BICD1: variants seen among roughly 807,000 people sequenced by gnomAD.
BICD1 encodes BICD cargo adaptor 1, also known as protein bicaudal D homolog 1.
In BICD1, 35 loss-of-function variants were observed where a neutral mutation model predicts 92.5. The observed-to-expected ratio is 0.38, with a 90% CI of 0.29 to 0.50. BICD1 has a LOEUF of 0.50. BICD1 is among the 20% of genes least tolerant of loss of function. The pLI is 0.93. For missense variants in BICD1, 950 were observed against 1,189.8 expected (o/e 0.80, Z 2.97); for synonymous variants, 429 against 465.1 (o/e 0.92, Z 1.00).
intron 1 of BICD1, among the ~76,000 whole-genome samples, chr12:32,184,055 G>A (rs539987146): frequency 4.6e-5 from 7 of 152,274 alleles, no homozygotes; most frequent in South Asian, 4.1e-4. Context: ...CAAACATGGC[G>A]CCATCCCTAT....
At chr12:32,135,513 A>G (rs1282996648) in intron 1 of BICD1, among the ~76,000 whole-genome samples, 1 of 140,892 alleles carries the variant, frequency 7.1e-6, no homozygotes, top group Non-Finnish European at 1.5e-5. Flanking sequence ...TGATCCTTAC[A>G]TCTCAGCCTC....
chr12:32,162,403 A>C (rs1190652380), intron 1 of BICD1, among the ~76,000 whole-genome samples: 3 of 152,226 alleles, frequency 2.0e-5, no homozygotes, highest in Non-Finnish European at 4.4e-5. Flanking sequence ...AATAACTGAC[A>C]TGGATAAATG....
chr12:32,343,326 C>G (rs1415781950), intron 8 of BICD1, among the ~76,000 whole-genome samples: 1 of 151,936 alleles, frequency 6.6e-6, no homozygotes, highest in African/African-American at 2.4e-5. Context: ...TCCTCCTCCT[C>G]CGTCCCCTCT....
intron 4 of BICD1, among the ~76,000 whole-genome samples, chr12:32,316,735 A>G (rs10844180): frequency 0.74 from 112,681 of 151,638 alleles, 42,279 homozygotes; most frequent in Middle Eastern, 0.91. Context: ...TTTAAGTTTT[A>G]GGGTACATAT....
chr12:32,179,568 C>T (rs1173061135), intron 1 of BICD1, among the ~76,000 whole-genome samples: 1 of 151,938 alleles, frequency 6.6e-6, no homozygotes, highest in East Asian at 1.9e-4. Context: ...ATCTAAATCT[C>T]TACTTTCTTG....
intron 2 of BICD1, among the ~76,000 whole-genome samples, chr12:32,278,628 C>A (rs954437545): frequency 6.6e-6 from 1 of 152,098 alleles, no homozygotes; most frequent in Non-Finnish European, 1.5e-5. Flanking sequence ...CCGCGGCCGG[C>A]GGATCACGAG....
intron 1 of BICD1, among the ~76,000 whole-genome samples, chr12:32,148,217 G>A (rs1056959347): frequency 6.6e-5 from 10 of 152,044 alleles, no homozygotes; most frequent in African/African-American, 2.4e-4. Context: ...CACCCTGCCT[G>A]GCTCTGTAGT....
rs569561716 is a variant in BICD1 at position 32,254,507 on chromosome 12, C to A, written c.426+38048C>A. Among the ~76,000 whole-genome samples the A allele has an allele frequency of 9.2e-5, 14 of 152,344 alleles. No homozygotes were observed. The East Asian group carries it at 2.3e-3, about 25-fold the overall frequency. On this transcript the variant is annotated intron_variant, in intron 2 of 9. Transcript: ENST00000652176. ...TCTCTTAACAGGTACCACGTTTTGACATAATCACTTGTAACATCTATTTAG... is the reference window on the plus strand; with the variant it reads ...TCTCTTAACAGGTACCACGTTTTGAAATAATCACTTGTAACATCTATTTAG...
In BICD1 at chr12:32,381,194, G is replaced by A. The variant is rs1253517646; in HGVS notation, c.*3567G>A. 6.6e-6 allele frequency: 1 copy of A among 152,008 alleles called. No homozygotes were observed. Among genetic ancestry groups the A allele is most frequent in the Non-Finnish European group, 1.5e-5 (1 of 67,942 alleles). The allele number at this position is 152,008 out of a possible 1,614,324, so 9.4% of individuals were successfully genotyped here. On this transcript the variant is annotated 3_prime_UTR_variant, in exon 10 of 10. Coordinates refer to ENST00000652176, the MANE Select transcript of BICD1 (RefSeq NM_001714.4). ...TCCAAGATATTTGTTGGAAAAAAATGATCGTTGGTATTATTTTTTCTTTCA... is the reference window on the plus strand; with the variant it reads ...TCCAAGATATTTGTTGGAAAAAAATAATCGTTGGTATTATTTTTTCTTTCA...
chr12:32,371,309 ACT>A (rs1939732646), intron 9 of BICD1, among the ~76,000 whole-genome samples: 1 of 151,864 alleles, frequency 6.6e-6, no homozygotes, highest in African/African-American at 2.4e-5. Flanking sequence ...ATCTGAAAAG[ACT>A]CTTTTCCAAA....
chr12:32,200,133 G>T (rs1293054582), intron 1 of BICD1, among the ~76,000 whole-genome samples: 2 of 152,184 alleles, frequency 1.3e-5, no homozygotes, highest in Non-Finnish European at 2.9e-5. Flanking sequence ...AATGGCAAAA[G>T]TACCTATCTC....
At chr12:32,116,498 CTCTCTCTCTCTCTATATA>C (rs1432340714) in intron 1 of BICD1, among the ~76,000 whole-genome samples, 24 of 70,618 alleles carry the variant, frequency 3.4e-4, no homozygotes, top group Non-Finnish European at 5.0e-4. Context: ...CTCTTTCTCT[CTCTCTCTCTCTCTATATA>C]TATATATATA....
chr12:32,209,978 T>A (rs961131667), intron 1 of BICD1, among the ~76,000 whole-genome samples: 2 of 152,214 alleles, frequency 1.3e-5, no homozygotes, highest in Non-Finnish European at 2.9e-5. Context: ...ACTGGGCATA[T>A]TGGCAACACA....
intron 2 of BICD1, among the ~76,000 whole-genome samples, chr12:32,267,414 A>G (rs1346845289): frequency 6.6e-6 from 1 of 152,188 alleles, no homozygotes; most frequent in African/African-American, 2.4e-5. Context: ...AGCACTTATA[A>G]TAGTGTGTGG....
intron 4 of BICD1, among the ~76,000 whole-genome samples, 190 bp downstream of exon 4, chr12:32,306,312 C>T (rs1288928461): frequency 1.3e-5 from 2 of 152,030 alleles, no homozygotes; most frequent in Non-Finnish European, 2.9e-5. Flanking sequence ...GGTGCAATTT[C>T]GGCTCACTGC....
chr12:32,246,185 A>G (rs796846320), intron 2 of BICD1, among the ~76,000 whole-genome samples: 51 of 151,750 alleles, frequency 3.4e-4, no homozygotes, highest in African/African-American at 1.1e-3. Flanking sequence ...ATCAAGAAAT[A>G]TGAATTATAG....
At chr12:32,311,575 T>C (rs1219885027) in intron 4 of BICD1, among the ~76,000 whole-genome samples, 1 of 152,176 alleles carries the variant, frequency 6.6e-6, no homozygotes, top group Non-Finnish European at 1.5e-5. Context: ...TTCCAGGCTA[T>C]AGGTAAATTT....
chr12:32,337,881 A>G lies in BICD1; in HGVS notation c.2570+65A>G. On this transcript the variant is annotated intron_variant, in intron 7 of 9. Transcript: ENST00000652176. The surrounding 1 kb of genome is among the most constrained non-coding windows in gnomAD (Gnocchi z 4.7). ...AGATTTTAGTTAACTGCAAAAATAA[A>G]TGTGCTCTTGTTGTGGAGGATGGAG... 1.3e-6 allele frequency: 2 copies of G among 1,549,834 alleles called. No homozygotes were observed. The highest frequency in any genetic ancestry group is 1.1e-5 in the South Asian group (1 of 88,984).
intron 2 of BICD1, among the ~76,000 whole-genome samples, chr12:32,247,878 A>G (rs1946430328): frequency 6.6e-6 from 1 of 152,188 alleles, no homozygotes; most frequent in African/African-American, 2.4e-5. Context: ...TGAGGTCAGG[A>G]GTTCAAGACC....
Sources: allele counts gnomAD v4.1 joint callset (sites outside exome capture counted in the v4.1 genomes callset), GRCh38; gene constraint gnomAD v4.1.1; non-coding constraint Gnocchi (gnomAD v3.1); transcripts MANE v1.5; gene names NCBI Gene and HGNC (gene_info 2026-07-23, HGNC 2026-07-21).